The following FCHSD2 variants were observed in gnomAD, a reference collection of about 807,000 sequenced individuals.
The protein encoded by FCHSD2 is FCH and double SH3 domains 2, also known as F-BAR and double SH3 domains protein 2.
In FCHSD2, 38 loss-of-function variants were observed where a neutral mutation model predicts 108.1. The observed-to-expected ratio is 0.35, with a 90% CI of 0.27 to 0.46. The LOEUF (loss-of-function observed/expected upper bound fraction) is 0.46. Among genes scored for constraint, FCHSD2 ranks in the 20% least tolerant of loss-of-function variants. FCHSD2 has a pLI of 1.00. For missense variants in FCHSD2, 751 were observed against 897.8 expected, an observed-to-expected ratio of 0.84 and a Z score of 2.09; for synonymous variants, 279 against 314.7, an observed-to-expected ratio of 0.89 and a Z score of 1.20.
Position 72,841,523 on chromosome 11 carries a change from G to A in FCHSD2, c.1987C>T (p.Pro663Ser), listed in dbSNP as rs1305228636. The change falls in exon 18 of 20, where the codon CCC (proline) becomes TCC (serine). Residue 663 changes from proline to serine, a missense_variant. Transcript: ENST00000409418. ...TCTGGGCTGGGGTAGGGGCTGCTGGGAGGCTGGTCGTACAACGGCAGTGGA... is the reference window on the plus strand; with the variant it reads ...TCTGGGCTGGGGTAGGGGCTGCTGGAAGGCTGGTCGTACAACGGCAGTGGA... Reference protein sequence around the residue: ...LPPLPLYDQPPSSPYPSPDKR... With the variant: ...LPPLPLYDQPSSSPYPSPDKR... The A allele has an allele frequency of 6.2e-7, 1 of 1,611,564 alleles. No individual in the cohort carries two copies. Among genetic ancestry groups the A allele is most frequent in the South Asian group, 1.1e-5 (1 of 90,410 alleles).
intron 3 of FCHSD2, among the ~76,000 whole-genome samples, chr11:73,050,120 G>A (rs1432854831): frequency 6.6e-6 from 1 of 152,130 alleles, no homozygotes; most frequent in Non-Finnish European, 1.5e-5. Context: ...GATCTCCAGG[G>A]CAACTACCCT....
chr11:72,907,978 T>C (rs1183779193), intron 9 of FCHSD2, among the ~76,000 whole-genome samples: 1 of 152,182 alleles, frequency 6.6e-6, no homozygotes, highest in Non-Finnish European at 1.5e-5. Flanking sequence ...ATTCATTCTA[T>C]CTAACTATAT....
At chr11:73,059,189 G>A (rs1839271483) in intron 3 of FCHSD2, among the ~76,000 whole-genome samples, 1 of 152,010 alleles carries the variant, frequency 6.6e-6, no homozygotes, top group Admixed American at 6.6e-5. Context: ...TGGGATGAAA[G>A]CAAAATGATT....
At chr11:73,036,953 T>G (rs1397565099) in intron 3 of FCHSD2, among the ~76,000 whole-genome samples, 5 of 152,224 alleles carry the variant, frequency 3.3e-5, no homozygotes, top group African/African-American at 1.2e-4. Flanking sequence ...GATCTGTAAT[T>G]AGATTTTAAA....
chr11:73,053,208 A>G (rs1858943811), intron 3 of FCHSD2, among the ~76,000 whole-genome samples: 1 of 136,432 alleles, frequency 7.3e-6, no homozygotes, highest in African/African-American at 2.8e-5. Flanking sequence ...CAGGTATGGT[A>G]TATTTGTTGA....
At chr11:73,012,219 C>T (rs1332670035) in intron 4 of FCHSD2, among the ~76,000 whole-genome samples, 1 of 152,138 alleles carries the variant, frequency 6.6e-6, no homozygotes, top group Non-Finnish European at 1.5e-5. Context: ...AACATACTGA[C>T]ATGAAGGGAT....
chr11:73,098,404 G>T (rs1860140965), intron 2 of FCHSD2, among the ~76,000 whole-genome samples: 1 of 151,814 alleles, frequency 6.6e-6, no homozygotes, highest in South Asian at 2.1e-4. Context: ...TATGGGTAAA[G>T]AAAATACTTT....
At chr11:73,103,493 GC>G (rs1375881996) in intron 2 of FCHSD2, among the ~76,000 whole-genome samples, 3 of 151,954 alleles carry the variant, frequency 2.0e-5, no homozygotes, top group Admixed American at 1.3e-4. Flanking sequence ...AATATCTGCC[GC>G]CTTCTGTACT....
chr11:72,866,266 GTTTTGT>G (rs1854719984), intron 13 of FCHSD2, among the ~76,000 whole-genome samples: 1 of 151,510 alleles, frequency 6.6e-6, no homozygotes, highest in Admixed American at 6.6e-5. Flanking sequence ...TTTTTGTTTT[GTTTTGT>G]TTTTTTTGTT....
At chr11:72,882,637 T>C (rs1855113327) in intron 12 of FCHSD2, among the ~76,000 whole-genome samples, 2 of 152,206 alleles carry the variant, frequency 1.3e-5, no homozygotes, top group South Asian at 4.1e-4. Context: ...TATCAAAATA[T>C]CACATGCATC....
chr11:73,075,684 G>A (rs1859533129), intron 3 of FCHSD2, among the ~76,000 whole-genome samples: 1 of 151,796 alleles, frequency 6.6e-6, no homozygotes, highest in Non-Finnish European at 1.5e-5. Flanking sequence ...GAGTGGTGGT[G>A]CGTGCCTGTA....
chr11:72,868,481 C>A (rs1037273773), intron 12 of FCHSD2, among the ~76,000 whole-genome samples: 1 of 151,964 alleles, frequency 6.6e-6, no homozygotes, highest in Non-Finnish European at 1.5e-5. Flanking sequence ...TTTGCACCAC[C>A]CTAATAACAA....
chr11:73,100,783 A>G (rs978981381), intron 2 of FCHSD2, among the ~76,000 whole-genome samples: 8 of 151,768 alleles, frequency 5.3e-5, no homozygotes, highest in Non-Finnish European at 8.8e-5. Context: ...TGGGTAGCTG[A>G]CTCTAAATCT....
chr11:73,013,041 A>C (rs1857894569), intron 4 of FCHSD2, among the ~76,000 whole-genome samples: 1 of 152,216 alleles, frequency 6.6e-6, no homozygotes, highest in African/African-American at 2.4e-5. Flanking sequence ...CACTATCATT[A>C]AAGTAAAGAT....
intron 8 of FCHSD2, among the ~76,000 whole-genome samples, chr11:72,952,915 T>G (rs552526733): frequency 6.8e-4 from 103 of 152,296 alleles, no homozygotes; most frequent in African/African-American, 2.4e-3. Context: ...AATTATCTGC[T>G]TTTCCTCAAG....
At chr11:73,072,118 G>C (rs936541034) in intron 3 of FCHSD2, among the ~76,000 whole-genome samples, 1 of 151,020 alleles carries the variant, frequency 6.6e-6, no homozygotes, top group Admixed American at 6.6e-5. Context: ...AAATAAAAAC[G>C]GGCATGTTCA....
intron 5 of FCHSD2, among the ~76,000 whole-genome samples, chr11:72,993,003 T>G (rs1448679204): frequency 6.6e-6 from 1 of 152,176 alleles, no homozygotes. Flanking sequence ...TTTTGCAATC[T>G]ACTCATCTGA....
intron 4 of FCHSD2, among the ~76,000 whole-genome samples, chr11:73,015,297 A>G (rs949977982): frequency 2.0e-5 from 3 of 152,248 alleles, no homozygotes; most frequent in Non-Finnish European, 4.4e-5. Context: ...ATTCAAAAAT[A>G]CAAACACATA....
At chr11:72,902,487 C>G in intron 10 of FCHSD2, 56 bp downstream of exon 10, 1 of 1,231,034 alleles carries the variant, frequency 8.1e-7, no homozygotes, top group South Asian at 1.3e-5. Flanking sequence ...GTAACTGTTA[C>G]TTAAGCACAA....
Sources: gnomAD v4.1 joint callset for allele counts (sites outside exome capture counted in the v4.1 genomes callset) on GRCh38, gnomAD v4.1.1 for gene constraint, MANE v1.5 for transcripts, NCBI Gene and HGNC (gene_info 2026-07-23, HGNC 2026-07-21) for gene names.